Variants in ANK1 observed in about 807,000 individuals in gnomAD.
The protein encoded by ANK1 is ankyrin-1.
ANK1 carries 51 observed loss-of-function variants against 210.4 expected under a neutral mutation model. The ratio of observed to expected loss-of-function variants is 0.24; its 90% confidence interval spans 0.19 to 0.31. The LOEUF (loss-of-function observed/expected upper bound fraction) is 0.31, where lower values mean the gene tolerates loss of function less well. Among genes scored for constraint, ANK1 ranks in the 10% least tolerant of loss-of-function variants. ANK1 has a pLI of 1.00. For missense variants in ANK1, 2,051 were observed against 2,504.4 expected, an observed-to-expected ratio of 0.82 and a Z score of 3.86; for synonymous variants, 967 against 1,025.9, an observed-to-expected ratio of 0.94 and a Z score of 1.10.
At chr8:41,896,295 C>T (rs962221288) in intron 1 of ANK1, 16 of 1,559,086 alleles carry the variant, frequency 1.0e-5, no homozygotes, top group African/African-American at 7.1e-5. Context: ...CCGACCCCTG[C>T]CCCCAGCAGC....
chr8:41,845,123 G>A (rs1325542229), intron 1 of ANK1, among the ~76,000 whole-genome samples: 3 of 152,254 alleles, frequency 2.0e-5, no homozygotes, highest in Middle Eastern at 3.4e-3. Flanking sequence ...AGTGACTCAC[G>A]CCTGTAATCC....
intron 10 of ANK1, 53 bp downstream of exon 10, chr8:41,719,608 G>A: frequency 6.2e-7 from 1 of 1,608,674 alleles, no homozygotes; most frequent in East Asian, 2.2e-5. Context: ...CTCTGCTCCT[G>A]CCCCCAGCCT....
At chr8:41,666,322 C>T (rs1390572933) in intron 39 of ANK1, among the ~76,000 whole-genome samples, 1 of 152,234 alleles carries the variant, frequency 6.6e-6, no homozygotes, top group Non-Finnish European at 1.5e-5. Context: ...GAGGTTCTAT[C>T]GTCTTCCCAT....
chr8:41,822,146 GAAAGAAAGAA>G lies in ANK1; in HGVS notation c.127-64019_127-64010del, dbSNP rs1563846037. Reference sequence around the variant, plus strand: ...AGAGAAAGAAAGAGAAAGAAAGAAAGAAAGAAAGAAAGAAAGAAAGAAAGAAAGAAAGAAA... The same window carrying G: ...AGAGAAAGAAAGAGAAAGAAAGAAAGAGAAAGAAAGAAAGAAAGAAAGAAA... On this transcript the variant is annotated intron_variant, in intron 1 of 42. Transcript: ENST00000265709. Among the ~76,000 whole-genome samples the G allele has an allele frequency of 6.8e-3, 253 of 37,440 alleles. 3 individuals carry two copies. Among genetic ancestry groups the G allele is most frequent in the African/African-American group, 0.019 (242 of 12,884 alleles). The allele number at this position is 37,440 out of a possible 152,430, so 24.6% of individuals were successfully genotyped here.
At position 41,706,163 on chromosome 8, in the gene ANK1, T is replaced by A; in HGVS notation, c.2077A>T (p.Met693Leu). 6.2e-7 allele frequency: 1 copy of A among 1,614,026 alleles called. No individual in the cohort carries two copies. Among genetic ancestry groups the A allele is most frequent in the Non-Finnish European group, 8.5e-7 (1 of 1,179,908 alleles). ...CTTACCCGGGTGGTGGCGTCCACCA[T>A]GACGCCGTGTTTGATCAGCACATCT... ...VADVLIKHGVMVDATTRMGYT... is the reference protein window; with the variant it reads ...VADVLIKHGVLVDATTRMGYT... Residue 693 changes from methionine to leucine, a missense_variant, in exon 18 of 43, where the codon ATG becomes TTG. Transcript: ENST00000289734.
At chr8:41,726,586 TG>T (rs1830757800) in intron 5 of ANK1, among the ~76,000 whole-genome samples, 3 of 152,060 alleles carry the variant, frequency 2.0e-5, no homozygotes, top group Non-Finnish European at 4.4e-5. Context: ...GGGGTCTTGC[TG>T]TGTTGCCCAG....
intron 2 of ANK1, among the ~76,000 whole-genome samples, chr8:41,757,330 TACAA>T (rs1372689389): frequency 6.6e-6 from 1 of 152,170 alleles, no homozygotes; most frequent in African/African-American, 2.4e-5. Flanking sequence ...GGCAAATATC[TACAA>T]ACAAACAAAA....
At chr8:41,684,752 C>T (rs1217495024) in intron 36 of ANK1, 62 bp from the exon 37 acceptor site, 1 of 1,568,782 alleles carries the variant, frequency 6.4e-7, no homozygotes, top group Non-Finnish European at 8.7e-7. Context: ...CACATGGGCT[C>T]AGAAAATGGG....
chr8:41,844,839 G>T (rs764303330), intron 1 of ANK1, among the ~76,000 whole-genome samples: 1 of 152,118 alleles, frequency 6.6e-6, no homozygotes, highest in Admixed American at 6.5e-5. Context: ...AGTTAGAAGG[G>T]GGTGAGTGAG....
At chr8:41,788,459 T>A (rs1846895418) in intron 1 of ANK1, among the ~76,000 whole-genome samples, 1 of 151,648 alleles carries the variant, frequency 6.6e-6, no homozygotes, top group Non-Finnish European at 1.5e-5. Context: ...TTACCAGAAC[T>A]ACATCTCAGA....
At chr8:41,661,205 C>A in intron 42 of ANK1, 1 of 626,388 alleles carries the variant, frequency 1.6e-6, no homozygotes, top group Non-Finnish European at 2.7e-6. Flanking sequence ...ACCGTGCGGT[C>A]CCTGATAAGT....
At position 41,834,461 on chromosome 8, in the gene ANK1, G is replaced by A. The variant is rs148950099; in HGVS notation, c.126+61894C>T. ...TTCTTGCAAACCCCTGGCTCATGCC[G>A]AAGACCTGCCTCGGCCGGTCAAACC... On this transcript the variant is annotated intron_variant, in intron 1 of 42. Coordinates refer to the ANK1 transcript ENST00000265709. 3.7e-4 allele frequency among the ~76,000 whole-genome samples: 56 copies of A among 152,300 alleles called. No individual in the cohort carries two copies. In the East Asian group the frequency reaches 8.9e-3, roughly 24 times the overall value.
At chr8:41,741,464 C>G (rs1834777472) in intron 2 of ANK1, among the ~76,000 whole-genome samples, 1 of 152,012 alleles carries the variant, frequency 6.6e-6, no homozygotes, top group South Asian at 2.1e-4. Flanking sequence ...TTTTTAATCC[C>G]AGCACTTTGG....
rs140777772 is a variant in ANK1, at chr8:41,667,913, C to T, written c.5394+354G>A. On this transcript the variant is annotated intron_variant, in intron 39 of 42. Coordinates refer to ENST00000289734, the MANE Select transcript of ANK1 (RefSeq NM_000037.4). ...GAGAGTAAGCCCAACGCCCAGTGCT[C>T]GGTTCCTAGCCCTTTCTAAAACGCG... is the stretch of plus-strand genomic sequence containing the variant. 8.2e-4 allele frequency among the ~76,000 whole-genome samples: 125 copies of T among 152,304 alleles called. 1 individual carries two copies. The highest frequency in any genetic ancestry group is 2.7e-3 in the African/African-American group (111 of 41,548).
At chr8:41,867,324 C>G (rs1814663714) in intron 1 of ANK1, among the ~76,000 whole-genome samples, 1 of 152,154 alleles carries the variant, frequency 6.6e-6, no homozygotes, top group African/African-American at 2.4e-5. Context: ...CAAAAGGAGG[C>G]AACATCAGCT....
At chr8:41,753,384 A>G (rs1245135661) in intron 2 of ANK1, among the ~76,000 whole-genome samples, 1 of 151,300 alleles carries the variant, frequency 6.6e-6, no homozygotes, top group African/African-American at 2.4e-5. Flanking sequence ...GCTCTTAAGT[A>G]CCCCATCCCT....
chr8:41,802,992 A>AGAGG, intron 1 of ANK1, among the ~76,000 whole-genome samples: 1 of 63,664 alleles, frequency 1.6e-5, no homozygotes, highest in Non-Finnish European at 3.7e-5. Context: ...AAAGAGAGAA[A>AGAGG]GAGAGAAAGA....
rs112206310 is a variant in ANK1 at position 41,823,587 on chromosome 8, C to T, written c.127-65450G>A. 9.9e-3 allele frequency among the ~76,000 whole-genome samples: 1,499 copies of T among 151,204 alleles called. 26 individuals are homozygous for T. The highest frequency in any genetic ancestry group is 0.034 in the African/African-American group (1,409 of 41,192). On this transcript the variant is annotated intron_variant, in intron 1 of 42. Coordinates refer to the ANK1 transcript ENST00000265709. ...CAGCCTGGGCAACACAGCAAGACCA[C>T]GTCTCTACAAAAACTGAAAAAAAAA...
At chr8:41,675,355 C>T (rs561750520) in intron 37 of ANK1, among the ~76,000 whole-genome samples, 111 of 152,296 alleles carry the variant, frequency 7.3e-4, no homozygotes, top group African/African-American at 2.4e-3. Flanking sequence ...CCTCAGCCTC[C>T]CAAAGTGCTG....
Sources: gnomAD v4.1 joint callset for allele counts (sites outside exome capture counted in the v4.1 genomes callset) on GRCh38, gnomAD v4.1.1 for gene constraint, MANE v1.5 for transcripts, NCBI Gene and HGNC (gene_info 2026-07-23, HGNC 2026-07-21) for gene names.